Variants in XXYLT1 observed in about 807,000 individuals in gnomAD.
XXYLT1 encodes UDP-xylose:alpha-xyloside alpha-1,3-xylosyltransferase.
In XXYLT1, 20 loss-of-function variants were observed where a neutral mutation model predicts 28.9. That is an observed-to-expected ratio of 0.69 (90% CI 0.49 to 1.00). XXYLT1 has a LOEUF of 1.00. XXYLT1 is among the 50% of genes least tolerant of loss of function. XXYLT1 has a pLI of 0.00. For synonymous variants in XXYLT1, 257 were observed against 253.8 expected, an observed-to-expected ratio of 1.01 and a Z score of -0.12; for missense variants, 542 against 560.1, an observed-to-expected ratio of 0.97 and a Z score of 0.33.
chr3:195,222,342 C>G (rs927326100), intron 2 of XXYLT1, among the ~76,000 whole-genome samples: 1 of 152,186 alleles, frequency 6.6e-6, no homozygotes, highest in Non-Finnish European at 1.5e-5. Context: ...GCCACTGTCT[C>G]GAAGCTCTTA....
At chr3:195,207,362 T>C (rs1723117783) in intron 2 of XXYLT1, 6 of 417,806 alleles carry the variant, frequency 1.4e-5, no homozygotes, top group South Asian at 1.0e-4. Context: ...AGCCCTGCCC[T>C]TCTTCAACAG....
intron 3 of XXYLT1, among the ~76,000 whole-genome samples, chr3:195,087,938 A>G (rs186505698): frequency 2.0e-5 from 3 of 151,884 alleles, no homozygotes; most frequent in African/African-American, 7.3e-5. Context: ...CGCACCTGGA[A>G]AATCGGGTCA....
rs56022005 is a variant in XXYLT1 at position 195,177,936 on chromosome 3, TAAAAAAAAAAAA to T, written c.653-21367_653-21356del. Among the ~76,000 whole-genome samples the T allele has an allele frequency of 7.8e-5, 9 of 115,618 alleles. No homozygotes were observed. In the South Asian group the frequency reaches 8.2e-4, roughly 11 times the overall value. 75.8% of individuals were successfully genotyped at this position (115,618 alleles called of 152,430 possible). ...AGTGACAGAGCAAGGCTCTGTCTCT[TAAAAAAAAAAAA>T]AAAAAAAAAGAGGGATGGAAATGTT... On this transcript the variant is annotated intron_variant, in intron 2 of 3. Coordinates refer to ENST00000310380, the MANE Select transcript of XXYLT1 (RefSeq NM_152531.5).
intron 1 of XXYLT1, among the ~76,000 whole-genome samples, chr3:195,252,175 A>G (rs1725282370): frequency 6.6e-6 from 1 of 152,368 alleles, no homozygotes; most frequent in East Asian, 1.9e-4. Flanking sequence ...AGTAATACAT[A>G]TATATTTTAT....
Position 195,173,509 on chromosome 3 carries a change from T to A in XXYLT1, c.653-16928A>T, listed in dbSNP as rs1479898511. Among the ~76,000 whole-genome samples the A allele has an allele frequency of 6.6e-6, 1 of 152,192 alleles. No individual in the cohort carries two copies. The highest frequency in any genetic ancestry group is 1.5e-5 in the Non-Finnish European group (1 of 68,020). ...CTTGCTATGCACCTAAAAACGGACA[T>A]GAAACTCTATTTTTATTCACTGAAT... On this transcript the variant is annotated intron_variant, in intron 2 of 3. Coordinates refer to ENST00000310380, the MANE Select transcript of XXYLT1 (RefSeq NM_152531.5). This position sits in a 1 kb window ranked among gnomAD's most constrained non-coding sequence, Gnocchi z 4.3.
rs1718808473 is a variant in XXYLT1, at chr3:195,129,718, C to T, written c.785+26731G>A. ...AGTGTGCGGGCGTATGTTTTCAGTT[C>T]TCTCGGGCATTTGGTGATTTCCACC... On this transcript the variant is annotated intron_variant, in intron 3 of 3. Coordinates refer to ENST00000310380, the MANE Select transcript of XXYLT1 (RefSeq NM_152531.5). The surrounding 1 kb of genome is among the most constrained non-coding windows in gnomAD (Gnocchi z 4.4). 6.6e-6 allele frequency among the ~76,000 whole-genome samples: 1 copy of T among 152,074 alleles called. No individual in the cohort carries two copies.
At chr3:195,126,367 A>G (rs980581700) in intron 3 of XXYLT1, among the ~76,000 whole-genome samples, 1 of 152,212 alleles carries the variant, frequency 6.6e-6, no homozygotes, top group Non-Finnish European at 1.5e-5. Flanking sequence ...CCACTGGTAA[A>G]TGCGATTGGT....
chr3:195,101,553 T>C (rs1273080819), intron 3 of XXYLT1, among the ~76,000 whole-genome samples: 1 of 152,212 alleles, frequency 6.6e-6, no homozygotes, highest in Non-Finnish European at 1.5e-5. Context: ...TTCAGTGAGA[T>C]TTGGATAAAA....
At chr3:195,143,810 A>ATTTTTTTTTT (rs1433066082) in intron 3 of XXYLT1, among the ~76,000 whole-genome samples, 1 of 95,896 alleles carries the variant, frequency 1.0e-5, no homozygotes, top group Non-Finnish European at 2.2e-5. Flanking sequence ...AGATAGATAT[A>ATTTTTTTTTT]TATAGATATA....
At chr3:195,246,774 G>GACACCGTGAC (rs1169029970) in intron 1 of XXYLT1, among the ~76,000 whole-genome samples, 1 of 152,188 alleles carries the variant, frequency 6.6e-6, no homozygotes, top group Non-Finnish European at 1.5e-5. Context: ...TGGCCTTCCA[G>GACACCGTGAC]ACACCGTGAC....
chr3:195,138,987 C>G (rs1719343992), intron 3 of XXYLT1, among the ~76,000 whole-genome samples: 1 of 152,070 alleles, frequency 6.6e-6, no homozygotes, highest in Non-Finnish European at 1.5e-5. Context: ...TGGAAGACAC[C>G]TGTGTGGGCA....
At chr3:195,084,553 T>A (rs1715618842) in intron 3 of XXYLT1, among the ~76,000 whole-genome samples, 1 of 152,222 alleles carries the variant, frequency 6.6e-6, no homozygotes, top group Non-Finnish European at 1.5e-5. Flanking sequence ...ATGTATTTCA[T>A]GCAACCCAGA....
chr3:195,190,132 C>CAAAAAAAA (rs763683271), intron 2 of XXYLT1, among the ~76,000 whole-genome samples: 2 of 142,820 alleles, frequency 1.4e-5, no homozygotes, highest in African/African-American at 5.7e-5. Flanking sequence ...TTCAAAAATG[C>CAAAAAAAA]AAAAAAAAAG....
rs1484032555 is a variant in XXYLT1, at chr3:195,175,580, A to G, written c.653-18999T>C. The G allele has an allele frequency of 3.9e-6, 6 of 1,535,774 alleles. No individual in the cohort carries two copies. The African/African-American group carries it at 8.2e-5, about 21-fold the overall frequency. ...GTTAGGACACAGGTCTGGGTGTTTCAGAAGCAGGTCTCAGATGGACACGGT... is the reference window on the plus strand; with the variant it reads ...GTTAGGACACAGGTCTGGGTGTTTCGGAAGCAGGTCTCAGATGGACACGGT... On this transcript the variant is annotated intron_variant, in intron 2 of 3. Coordinates refer to ENST00000310380, the MANE Select transcript of XXYLT1 (RefSeq NM_152531.5).
At chr3:195,203,975 C>T (rs773028109) in intron 2 of XXYLT1, among the ~76,000 whole-genome samples, 2 of 152,272 alleles carry the variant, frequency 1.3e-5, no homozygotes, top group Non-Finnish European at 2.9e-5. Flanking sequence ...AAGGAGGCGG[C>T]GAGGCAAGTG....
intron 2 of XXYLT1, chr3:195,214,862 A>G (rs1723496431): frequency 2.0e-5 from 3 of 152,258 alleles, no homozygotes; most frequent in Non-Finnish European, 4.4e-5. Context: ...CGCAAGGATG[A>G]CATGCAAATT....
chr3:195,149,857 C>T (rs1444686091), intron 3 of XXYLT1, among the ~76,000 whole-genome samples: 2 of 152,160 alleles, frequency 1.3e-5, no homozygotes, highest in African/African-American at 2.4e-5. Context: ...TCCGCAGAAG[C>T]GGGAAGGAGG....
Position 195,156,591 on chromosome 3 carries a change from A to G in XXYLT1, c.653-10T>C, listed in dbSNP as rs1720607193. 13 of 1,613,762 alleles carry G rather than the reference A, an allele frequency of 8.1e-6. No individual in the cohort carries two copies. Among genetic ancestry groups the G allele is most frequent in the Non-Finnish European group, 1.1e-5 (13 of 1,179,868 alleles). ...ATGATCTGCAGGATCTCTGCGGGAA[A>G]GAGAAAAGGACAATGAGACACAGGT... is the stretch of plus-strand genomic sequence containing the variant. On this transcript the variant is annotated splice_polypyrimidine_tract_variant and intron_variant, in intron 2 of 3. Coordinates refer to ENST00000310380, the MANE Select transcript of XXYLT1 (RefSeq NM_152531.5).
rs1226992916 is a variant in XXYLT1, at chr3:195,255,124, T to C, written c.504+15431A>G. On this transcript the variant is annotated intron_variant, in intron 1 of 3. Coordinates refer to ENST00000310380, the MANE Select transcript of XXYLT1 (RefSeq NM_152531.5). The surrounding 1 kb of genome is among the most constrained non-coding windows in gnomAD (Gnocchi z 4.5). ...ATAACAGCAGCATCAGAAAGACCCA[T>C]AAGGCCATAGGTTTGCAGAGGGAAT... 2.0e-5 allele frequency among the ~76,000 whole-genome samples: 3 copies of C among 152,054 alleles called. No homozygotes were observed. The highest frequency in any genetic ancestry group is 4.4e-5 in the Non-Finnish European group (3 of 68,004).
Sources: allele counts gnomAD v4.1 joint callset (sites outside exome capture counted in the v4.1 genomes callset), GRCh38; gene constraint gnomAD v4.1.1; non-coding constraint Gnocchi (gnomAD v3.1); transcripts MANE v1.5; gene names NCBI Gene and HGNC (gene_info 2026-07-23, HGNC 2026-07-21).